Variants in TGM1 observed in about 807,000 individuals in gnomAD.
TGM1 encodes the protein transglutaminase 1.
In TGM1, 63 loss-of-function variants were observed where a neutral mutation model predicts 88.7. The ratio of observed to expected loss-of-function variants is 0.71; its 90% CI spans 0.58 to 0.88. TGM1 has a LOEUF of 0.88. Among genes scored for constraint, TGM1 ranks in the 40% least tolerant of loss-of-function variants. The pLI, the probability that TGM1 is intolerant of heterozygous loss-of-function variation, is 0.00. For missense variants in TGM1, 996 were observed against 1,118.0 expected (o/e 0.89, Z 1.56); for synonymous variants, 415 against 431.1 (o/e 0.96, Z 0.46).
chr14:24,254,977 C>T lies in TGM1; in HGVS notation c.1922G>A (p.Gly641Glu), dbSNP rs1488788049. Residue 641 changes from glycine to glutamate, a missense_variant, in exon 12 of 15, where the codon GGG becomes GAG. Coordinates refer to ENST00000206765, the MANE Select transcript of TGM1 (RefSeq NM_000359.3). Reference protein sequence around the residue: ...ETKKEVELAPGASDRVTMPVA... With the variant: ...ETKKEVELAPEASDRVTMPVA... Reference sequence around the variant, plus strand: ...GCTGGGTAAGGAGCACTTACAGGCCCCTGGTGCCAGCTCCACTTCCTTCTT... The same window carrying T: ...GCTGGGTAAGGAGCACTTACAGGCCTCTGGTGCCAGCTCCACTTCCTTCTT... The T allele has an allele frequency of 4.3e-6, 7 of 1,613,778 alleles. No homozygotes were observed. The highest frequency in any genetic ancestry group is 1.3e-5 in the African/African-American group (1 of 75,058).
At position 24,259,994 on chromosome 14, in the gene TGM1, T is replaced by C; in HGVS notation, c.822A>G (p.Arg274=). ...RQEYVLNESG[R]IYYGTEAQIG... ...TCTGTGCTTCGGTCCCGTAGTAAAT[T>C]CTCCCAGACTCATTAAGAACATACT... Residue 274 remains arginine, a synonymous_variant, in exon 5 of 15, where the codon AGA becomes AGG. Coordinates refer to ENST00000206765, the MANE Select transcript of TGM1 (RefSeq NM_000359.3). The surrounding 1 kb of genome is among the most constrained non-coding windows in gnomAD (Gnocchi z 5.7). 6.2e-7 allele frequency: 1 copy of C among 1,614,050 alleles called. No individual in the cohort carries two copies. The highest frequency in any genetic ancestry group is 8.5e-7 in the Non-Finnish European group (1 of 1,180,014).
At chr14:24,250,225 A>C (rs1446940175) in intron 14 of TGM1, among the ~76,000 whole-genome samples, 1 of 151,552 alleles carries the variant, frequency 6.6e-6, no homozygotes, top group Non-Finnish European at 1.5e-5. Flanking sequence ...ACACACACAC[A>C]ACCAGTGTTT....
In TGM1 at chr14:24,262,033, C is replaced by A. The variant is rs2040815794; in HGVS notation, c.319+1G>T. The A allele has an allele frequency of 6.2e-7, 1 of 1,613,414 alleles. No individual in the cohort carries two copies. The highest frequency in any genetic ancestry group is 8.5e-7 in the Non-Finnish European group (1 of 1,180,046). ...AGCTGAGGAGGACAGACCGGCCTCACCTCGGATGGTGCCATCTCCAGCTGC... is the reference window on the plus strand; with the variant it reads ...AGCTGAGGAGGACAGACCGGCCTCAACTCGGATGGTGCCATCTCCAGCTGC... On this transcript the variant is annotated splice_donor_variant, in intron 2 of 14. Transcript: ENST00000206765. LOFTEE classifies it high-confidence loss of function.
At position 24,261,989 on chromosome 14, in the gene TGM1, T is replaced by A. The variant is rs183354333; in HGVS notation, c.319+45A>T. The A allele has an allele frequency of 2.8e-4, 458 of 1,611,756 alleles. No individual in the cohort carries two copies. In the African/African-American group the frequency reaches 5.6e-3, roughly 20 times the overall value. Reference sequence around the variant, plus strand: ...ATGCCAGGCTGAGTCTCTGGTCCCATTAAAGCCTTTTAGCTCTCAGCTGAG... The same window carrying A: ...ATGCCAGGCTGAGTCTCTGGTCCCAATAAAGCCTTTTAGCTCTCAGCTGAG... On this transcript the variant is annotated intron_variant, in intron 2 of 14. Transcript: ENST00000206765.
At chr14:24,250,992 A>G (rs8193034) in intron 14 of TGM1, among the ~76,000 whole-genome samples, 11,212 of 152,040 alleles carry the variant, frequency 0.074, 851 homozygotes, top group East Asian at 0.24. Context: ...TTGGCTTGGA[A>G]CCTGGTTCTG....
At chr14:24,262,505 T>C (rs1242551404) in intron 1 of TGM1, among the ~76,000 whole-genome samples, 151 bp from the exon 2 acceptor site, 1 of 152,168 alleles carries the variant, frequency 6.6e-6, no homozygotes. Context: ...TCCAGAGACC[T>C]TCCGCGAAGA....
intron 9 of TGM1, among the ~76,000 whole-genome samples, chr14:24,256,843 C>T (rs1259895020): frequency 1.3e-5 from 2 of 152,190 alleles, no homozygotes; most frequent in Non-Finnish European, 2.9e-5. Flanking sequence ...GAAAGGAGCT[C>T]AGACTTTTTG....
At chr14:24,261,252 C>T (rs568324284) in intron 3 of TGM1, among the ~76,000 whole-genome samples, 6 of 152,216 alleles carry the variant, frequency 3.9e-5, no homozygotes, top group East Asian at 1.9e-4. Flanking sequence ...CCAAGCAACG[C>T]GGTAAGGGAG....
chr14:24,257,578 T>A (rs2040764697), intron 9 of TGM1, among the ~76,000 whole-genome samples: 1 of 151,900 alleles, frequency 6.6e-6, no homozygotes, highest in African/African-American at 2.4e-5. Context: ...AAAGCAAGAG[T>A]ATGTGCTTAA....
At position 24,260,713 on chromosome 14, in the gene TGM1, C is replaced by G. The variant is rs770468560; in HGVS notation, c.509-15G>C. The G allele has an allele frequency of 5.0e-6, 8 of 1,613,922 alleles. No homozygotes were observed. In the African/African-American group the frequency reaches 1.1e-4, roughly 22 times the overall value. ...GGGGTTGTTTCCTAGAGTAGGAAAT[C>G]AGCAATTAGCTGGCAAGGCCTCCCT... is the stretch of plus-strand genomic sequence containing the variant. On this transcript the variant is annotated splice_polypyrimidine_tract_variant and intron_variant, in intron 3 of 14. Coordinates refer to ENST00000206765, the MANE Select transcript of TGM1 (RefSeq NM_000359.3).
rs2040810950 is a variant in TGM1, at chr14:24,261,763, A to T, written c.440T>A (p.Phe147Tyr). 6.2e-7 allele frequency: 1 copy of T among 1,614,000 alleles called. No individual in the cohort carries two copies. The highest frequency in any genetic ancestry group is 1.1e-5 in the South Asian group (1 of 91,078). ...DELIVRRGQP[F>Y]HMLLLLSRTY... The stretch of plus-strand genomic sequence containing the variant: ...CCGGGACAGGAGGAGGAGCATATGG[A>T]AAGGCTGCCCGCGGCGCACTATCAG... Residue 147 changes from phenylalanine (F) to tyrosine (Y), a missense_variant, in exon 3 of 15, where the codon TTC (phenylalanine) becomes TAC (tyrosine). Transcript: ENST00000206765.
At position 24,259,744 on chromosome 14, in the gene TGM1, C is replaced by G; in HGVS notation, c.944G>C (p.Arg315Pro). The G allele has an allele frequency of 6.2e-7, 1 of 1,611,922 alleles. No homozygotes were observed. The highest frequency in any genetic ancestry group is 1.1e-5 in the South Asian group (1 of 90,806). ...CCGGGAGACATTGACTGGGTCTCCA[C>G]GGCCTCCATATGGCATCCCCCGCCG... Reference protein sequence around the residue: ...LDRRGMPYGGRGDPVNVSRVI... With the variant: ...LDRRGMPYGGPGDPVNVSRVI... Residue 315 changes from arginine to proline, a missense_variant, in exon 6 of 15, where the codon CGT (arginine) becomes CCT (proline). Physicochemically the swap from Arg to Pro is moderately radical, Grantham distance 103. Transcript: ENST00000206765. The surrounding 1 kb of genome is among the most constrained non-coding windows in gnomAD (Gnocchi z 5.7).
At chr14:24,256,945 C>T (rs1045377461) in intron 9 of TGM1, among the ~76,000 whole-genome samples, 2 of 152,186 alleles carry the variant, frequency 1.3e-5, no homozygotes, top group Admixed American at 6.5e-5. Context: ...GTATCTATTA[C>T]CCCAAATTAC....
intron 3 of TGM1, among the ~76,000 whole-genome samples, chr14:24,260,991 T>C (rs2040804312): frequency 6.6e-6 from 1 of 152,160 alleles, no homozygotes; most frequent in Non-Finnish European, 1.5e-5. Flanking sequence ...CCTGCCTGAC[T>C]ATCACAGTGC....
chr14:24,259,012 G>A lies in TGM1; in HGVS notation c.1159+63C>T, dbSNP rs2040781872. 9.4e-6 allele frequency: 15 copies of A among 1,596,454 alleles called. No homozygotes were observed. The highest frequency in any genetic ancestry group is 1.2e-5 in the Non-Finnish European group (14 of 1,168,780). On this transcript the variant is annotated intron_variant, in intron 7 of 14. Coordinates refer to ENST00000206765, the MANE Select transcript of TGM1 (RefSeq NM_000359.3). This position sits in a 1 kb window ranked among gnomAD's most constrained non-coding sequence, Gnocchi z 5.7. ...GCCACATCTGGGCAGGGCTGGGTAA[G>A]CCTGGCTTTCCTCCCTTCTCCCTGT...
intron 9 of TGM1, 119 bp from the exon 10 acceptor site, chr14:24,256,196 T>TG (rs1253007335): frequency 1.2e-6 from 1 of 817,842 alleles, no homozygotes; most frequent in Non-Finnish European, 2.1e-6. Flanking sequence ...TCCCACTGCC[T>TG]GGTGGCCTCT....
In TGM1 at chr14:24,262,315, C is replaced by T. The variant is rs1164800116; in HGVS notation, c.38G>A (p.Gly13Asp). The T allele has an allele frequency of 6.2e-7, 1 of 1,613,650 alleles. No homozygotes were observed. Among genetic ancestry groups the T allele is most frequent in the South Asian group, 1.1e-5 (1 of 91,086 alleles). ...GGTAGGGGGCTGCAAGGGGTTGCCA[C>T]CCCAACGGCCCACATCGGAACGTGG... ...DGPRSDVGRW[G>D]GNPLQPPTTP... is the part of the protein sequence containing the mutation. Residue 13 changes from glycine to aspartate, a missense_variant, in exon 2 of 15, where the codon GGT (glycine) becomes GAT (aspartate). Transcript: ENST00000206765.
At chr14:24,249,619 G>C (rs1452755261) in intron 14 of TGM1, 78 bp from the exon 15 acceptor site, 1 of 1,293,252 alleles carries the variant, frequency 7.7e-7, no homozygotes, top group African/African-American at 1.5e-5. Flanking sequence ...AGGGCAGTCA[G>C]GAGGAAGAAG....
At position 24,255,314 on chromosome 14, in the gene TGM1, AG is replaced by A. The variant is rs760503139; in HGVS notation, c.1645+49del. On this transcript the variant is annotated intron_variant, in intron 11 of 14. Transcript: ENST00000206765. The surrounding 1 kb of genome is among the most constrained non-coding windows in gnomAD (Gnocchi z 4.0). ...CCACGTGGGTGGCCAAGCACTTGGC[AG>A]GAACACTTGTTGTGGGGCCCAGAGC... is the stretch of plus-strand genomic sequence containing the variant. 3.3e-5 allele frequency: 53 copies of A among 1,614,118 alleles called. No individual in the cohort carries two copies. Among genetic ancestry groups the A allele is most frequent in the Non-Finnish European group, 4.1e-5 (48 of 1,180,048 alleles).
Sources: gnomAD v4.1 joint callset for allele counts (sites outside exome capture counted in the v4.1 genomes callset) on GRCh38, gnomAD v4.1.1 for gene constraint, Gnocchi (gnomAD v3.1) non-coding constraint, MANE v1.5 for transcripts, NCBI Gene and HGNC (gene_info 2026-07-23, HGNC 2026-07-21) for gene names.